Variants in CEP128 observed in about 807,000 individuals in gnomAD.
CEP128 encodes centrosomal protein 128kDa.
Under a neutral mutation model 156.7 loss-of-function variants are expected in CEP128, and 132 were observed. That is an observed-to-expected ratio of 0.84 (90% confidence interval 0.73 to 0.97). CEP128 has a LOEUF of 0.97. Among genes scored for constraint, CEP128 ranks in the 50% least tolerant of loss-of-function variants. The pLI, the probability that CEP128 is intolerant of heterozygous loss-of-function variation, is 0.00. For synonymous variants in CEP128, 469 were observed against 448.9 expected (o/e 1.04, Z -0.57); for missense variants, 1,252 against 1,281.9 (o/e 0.98, Z 0.36).
chr14:80,489,945 T>A (rs1295085414), downstream of CEP128, among the ~76,000 whole-genome samples: 1 of 151,356 alleles, frequency 6.6e-6, no homozygotes, highest in Non-Finnish European at 1.5e-5. Context: ...TCTCTGAGTA[T>A]GACGGAGTGA....
At chr14:80,570,899 C>T (rs1432041887) in intron 20 of CEP128, among the ~76,000 whole-genome samples, 4 of 152,000 alleles carry the variant, frequency 2.6e-5, no homozygotes, top group Non-Finnish European at 5.9e-5. Flanking sequence ...ATAAAACATA[C>T]TATATCAATA....
intron 4 of CEP128, among the ~76,000 whole-genome samples, chr14:80,909,442 G>A (rs779280727): frequency 2.7e-5 from 4 of 150,456 alleles, no homozygotes; most frequent in Non-Finnish European, 5.9e-5. Context: ...AAGTTACCAT[G>A]GGACATAACA....
At chr14:80,851,598 T>A (rs1425793044) in intron 9 of CEP128, among the ~76,000 whole-genome samples, 1 of 151,350 alleles carries the variant, frequency 6.6e-6, no homozygotes, top group Non-Finnish European at 1.5e-5. Flanking sequence ...AATGAATATA[T>A]AATATACTCC....
intron 19 of CEP128, among the ~76,000 whole-genome samples, chr14:80,667,030 T>G (rs75916077): frequency 0.027 from 4,061 of 152,248 alleles, 163 homozygotes; most frequent in African/African-American, 0.086. Context: ...AACATCTGCA[T>G]GAACACAAAC....
At chr14:80,701,084 C>A (rs142178886) in intron 19 of CEP128, among the ~76,000 whole-genome samples, 114 of 152,228 alleles carry the variant, frequency 7.5e-4, no homozygotes, top group African/African-American at 2.6e-3. Context: ...GAAGGCAGAG[C>A]AGGGGTCCAG....
chr14:80,634,894 C>T (rs553773680), intron 19 of CEP128, among the ~76,000 whole-genome samples: 47 of 152,276 alleles, frequency 3.1e-4, no homozygotes, highest in African/African-American at 1.1e-3. Flanking sequence ...ATTTTCATCA[C>T]ATTTTCTCTT....
Position 80,581,610 on chromosome 14 carries a change from G to A in CEP128, c.2807-1187C>T, listed in dbSNP as rs200253314. On this transcript the variant is annotated intron_variant, in intron 19 of 24. Coordinates refer to ENST00000555265, the MANE Select transcript of CEP128 (RefSeq NM_152446.5). Reference sequence around the variant, plus strand: ...GAAGACACAACATGCTGGGATTAAGGATAAGAGATTGTTTCTATTCTGTAT... The same window carrying A: ...GAAGACACAACATGCTGGGATTAAGAATAAGAGATTGTTTCTATTCTGTAT... Among the ~76,000 whole-genome samples the A allele has an allele frequency of 4.6e-5, 7 of 152,156 alleles. No individual in the cohort carries two copies. In the East Asian group the frequency reaches 1.2e-3, roughly 25 times the overall value.
chr14:80,656,284 TATATATTTATATATATATATATATATATA>T (rs1895146191), intron 19 of CEP128, among the ~76,000 whole-genome samples: 1 of 6,792 alleles, frequency 1.5e-4, no homozygotes, highest in Non-Finnish European at 2.3e-4. Flanking sequence ...TTTATTTATA[TATATATTTATATATATATATATATATATA>T]TATATATATA....
intron 4 of CEP128, among the ~76,000 whole-genome samples, chr14:80,909,575 T>C (rs773998003): frequency 1.3e-5 from 2 of 152,046 alleles, no homozygotes; most frequent in Non-Finnish European, 2.9e-5. Flanking sequence ...ATTTTTAAGG[T>C]CCAAAAAATA....
intron 21 of CEP128, among the ~76,000 whole-genome samples, chr14:80,540,255 T>C (rs1332587887): frequency 6.9e-6 from 1 of 145,030 alleles, no homozygotes; most frequent in Non-Finnish European, 1.5e-5. Context: ...TCAGGGAGCA[T>C]CACAGTCCTA....
intron 20 of CEP128, among the ~76,000 whole-genome samples, chr14:80,566,956 A>T (rs950162703): frequency 6.6e-6 from 1 of 151,862 alleles, no homozygotes. Flanking sequence ...ATTTAAAGTG[A>T]TATGTCATGT....
chr14:80,955,710 G>T (rs1331795234), intron 2 of CEP128: 1 of 1,614,032 alleles, frequency 6.2e-7, no homozygotes, highest in Non-Finnish European at 8.5e-7. Flanking sequence ...TGCAGCTGGT[G>T]CTGCTGCTCG....
At chr14:80,579,380 A>G (rs1228923812) in intron 20 of CEP128, among the ~76,000 whole-genome samples, 2 of 152,020 alleles carry the variant, frequency 1.3e-5, no homozygotes, top group Non-Finnish European at 2.9e-5. Flanking sequence ...AAATAATCTA[A>G]TCTGTACAAA....
chr14:80,479,358 C>A (rs554004664), intron 14 of CEP128, among the ~76,000 whole-genome samples: 1 of 151,976 alleles, frequency 6.6e-6, no homozygotes, highest in Non-Finnish European at 1.5e-5. Context: ...AAACTGGGAA[C>A]AAAAAGAGGT....
intron 2 of CEP128, among the ~76,000 whole-genome samples, chr14:80,936,640 C>G (rs1885823266): frequency 6.6e-6 from 1 of 152,042 alleles, no homozygotes; most frequent in African/African-American, 2.4e-5. Flanking sequence ...GAAAAACTCA[C>G]AAAAATATTT....
At chr14:80,952,593 C>T (rs1351316870) in intron 2 of CEP128, among the ~76,000 whole-genome samples, 1 of 151,718 alleles carries the variant, frequency 6.6e-6, no homozygotes, top group East Asian at 1.9e-4. Context: ...AGAAACCTCA[C>T]CTTAAGAAGT....
chr14:80,623,428 G>C (rs905269614), intron 19 of CEP128, among the ~76,000 whole-genome samples: 3 of 151,480 alleles, frequency 2.0e-5, no homozygotes, highest in Non-Finnish European at 4.4e-5. Context: ...CCTGCACATT[G>C]TGCACATGTA....
At chr14:80,786,577 G>A (rs1901419404) in intron 14 of CEP128, among the ~76,000 whole-genome samples, 1 of 152,130 alleles carries the variant, frequency 6.6e-6, no homozygotes, top group Non-Finnish European at 1.5e-5. Context: ...ACTAACAAAA[G>A]GAGATGAATA....
At chr14:80,671,370 C>T (rs2140930203) in intron 19 of CEP128, among the ~76,000 whole-genome samples, 1 of 152,256 alleles carries the variant, frequency 6.6e-6, no homozygotes, top group Admixed American at 6.5e-5. Context: ...AGGTAAGATA[C>T]TAGTGGTGTC....
Sources: allele counts gnomAD v4.1 joint callset (sites outside exome capture counted in the v4.1 genomes callset), GRCh38; gene constraint gnomAD v4.1.1; transcripts MANE v1.5; gene names NCBI Gene and HGNC (gene_info 2026-07-23, HGNC 2026-07-21).